The following ADGRG4 variants were observed in gnomAD, a reference collection of about 807,000 sequenced individuals.
The protein encoded by ADGRG4 is adhesion G protein-coupled receptor G4, also known as G protein-coupled receptor 112.
A neutral mutation model predicts 126.2 loss-of-function variants in ADGRG4; 122 were observed. The ratio of observed to expected loss-of-function variants is 0.97; its 90% CI spans 0.83 to 1.12. ADGRG4 has a LOEUF of 1.12. ADGRG4 is among the 50% of genes most tolerant of loss of function. The pLI is 0.00. For missense variants in ADGRG4, 2,481 were observed against 2,251.8 expected, an observed-to-expected ratio of 1.10 and a Z score of -2.06; for synonymous variants, 943 against 838.7, an observed-to-expected ratio of 1.12 and a Z score of -2.15.
intron 4 of ADGRG4, among the ~76,000 whole-genome samples, chrX:136,312,549 C>T (rs1306785466): frequency 1.8e-5 from 2 of 111,604 alleles, no homozygotes; most frequent in African/African-American, 6.5e-5. Context: ...TAGCTTGAAC[C>T]CAGGAAGTGG....
In ADGRG4 at chrX:136,346,035, A is replaced by T. The variant is rs752120902; in HGVS notation, c.2329A>T (p.Thr777Ser). 14 of 1,201,260 alleles carry T rather than the reference A, an allele frequency of 1.2e-5. No individual in the cohort carries two copies. The African/African-American group carries it at 2.3e-4, about 20-fold the overall frequency. Residue 777 changes from threonine to serine, a missense_variant, in exon 6 of 26, where the codon ACA (threonine) becomes TCA (serine). Physicochemically the swap from Thr to Ser is moderately conservative, Grantham distance 58 (BLOSUM62 1). Transcript: ENST00000394143. ...AAAACCTGCAAATGAACTTCCTTTG[A>T]CACCAAGGGAGACTGTTGTTCCATC... ...STKPANELPL[T>S]PRETVVPSVD...
intron 15 of ADGRG4, among the ~76,000 whole-genome samples, chrX:136,380,634 TTCTTCTTCTTCTTCTTCC>T (rs1305028626): frequency 9.4e-5 from 8 of 85,210 alleles, no homozygotes; most frequent in African/African-American, 3.6e-4. Context: ...CTTCTTCTTC[TTCTTCTTCTTCTTCTTCC>T]TCCTCCTCCT....
Position 136,344,809 on chromosome X carries a change from C to CCACA in ADGRG4, c.1103_1104insCACA (p.Pro370TyrfsTer4), listed in dbSNP as rs1569321953. 2.5e-6 allele frequency: 3 copies of CCACA among 1,205,503 alleles called. No individual in the cohort carries two copies. The South Asian group carries it at 5.3e-5, about 21-fold the overall frequency. ...ATGGCTACTGAAATCTTTCAACCAC[C>CCACA]TACACCTTCTAATTTCCTATCCACA... On this transcript the variant is annotated frameshift_variant, in exon 6 of 26. Transcript: ENST00000394143. LOFTEE classifies it high-confidence loss of function.
chrX:136,412,157 G>A, intron 23 of ADGRG4, 108 bp from the exon 24 acceptor site: 1 of 529,050 alleles, frequency 1.9e-6, no homozygotes, highest in Non-Finnish European at 3.3e-6. Context: ...ATGGCCCTGG[G>A]GTTCCTTGAA....
In ADGRG4 at chrX:136,323,213, G is replaced by A. The variant is rs780690525; in HGVS notation, c.506G>A (p.Ser169Asn). Residue 169 changes from serine to asparagine, a missense_variant, in exon 5 of 26, where the codon AGC (serine) becomes AAC (asparagine). Transcript: ENST00000394143. Reference sequence around the variant, plus strand: ...GGGCACTTTCTCAAGAATGAGAGCAGCGAGGTTAAAAGCATGATGCGTAGC... The same window carrying A: ...GGGCACTTTCTCAAGAATGAGAGCAACGAGGTTAAAAGCATGATGCGTAGC... ...FLGHFLKNESSEVKSMMRSFP... is the reference protein window; with the variant it reads ...FLGHFLKNESNEVKSMMRSFP... The A allele has an allele frequency of 1.9e-5, 23 of 1,209,769 alleles. No individual in the cohort carries two copies. Among genetic ancestry groups the A allele is most frequent in the Non-Finnish European group, 2.5e-5 (22 of 895,127 alleles).
At chrX:136,392,759 C>G (rs1402194306) in intron 17 of ADGRG4, among the ~76,000 whole-genome samples, 1 of 111,951 alleles carries the variant, frequency 8.9e-6, no homozygotes, top group Non-Finnish European at 1.9e-5. Flanking sequence ...AGTCATATGG[C>G]ATAACATAAG....
intron 5 of ADGRG4, among the ~76,000 whole-genome samples, chrX:136,337,756 A>G (rs2074955942): frequency 8.9e-6 from 1 of 112,408 alleles, no homozygotes; most frequent in Non-Finnish European, 1.9e-5. Flanking sequence ...CAAAAGTTCA[A>G]TTATGATGTG....
chrX:136,414,255 A>G lies in ADGRG4; in HGVS notation c.9133A>G (p.Thr3045Ala). The change falls in exon 25 of 26, where the codon ACT (threonine) becomes GCT (alanine). Residue 3045 changes from threonine (T) to alanine (A), a missense_variant. Thr to Ala is a moderately conservative substitution (Grantham distance 58). Coordinates refer to ENST00000394143, the MANE Select transcript of ADGRG4 (RefSeq NM_153834.4). ...ACTGTTGACGCCATCTCTCAAGTCA[A>G]CTGCAACTAGCTCCACTTTCAAATC... is the stretch of plus-strand genomic sequence containing the variant. The part of the protein sequence containing the change: ...HKLLTPSLKS[T>A]ATSSTFKSLG... 1 of 1,207,796 alleles carries G rather than the reference A, an allele frequency of 8.3e-7. No individual in the cohort carries two copies. Among genetic ancestry groups the G allele is most frequent in the South Asian group, 1.8e-5 (1 of 56,552 alleles).
intron 4 of ADGRG4, among the ~76,000 whole-genome samples, chrX:136,317,715 A>G (rs895299691): frequency 9.0e-6 from 1 of 111,481 alleles, no homozygotes. Context: ...ATCCAGAATT[A>G]AAAATGGGCA....
Position 136,361,443 on chromosome X carries a change from T to C in ADGRG4, c.7145-12T>C. The C allele has an allele frequency of 8.9e-7, 1 of 1,125,964 alleles. No individual in the cohort carries two copies. The highest frequency in any genetic ancestry group is 1.8e-5 in the African/African-American group (1 of 55,834). The allele number at this position is 1,125,964 out of a possible 1,213,427, so 92.8% of individuals were successfully genotyped here. A position where few individuals can be genotyped will look rare whatever the true frequency, so the allele number is the denominator to read the frequency against. On this transcript the variant is annotated splice_polypyrimidine_tract_variant and intron_variant, in intron 11 of 25. Transcript: ENST00000394143. Reference sequence around the variant, plus strand: ...TCTTGTCCTTTAAAATGTGCATACATTTTCTCTGTAGAGCCTGGAAATTGC... The same window carrying C: ...TCTTGTCCTTTAAAATGTGCATACACTTTCTCTGTAGAGCCTGGAAATTGC...
rs4829829 is a variant in ADGRG4 at position 136,344,534 on chromosome X, A to G, written c.828A>G (p.Ile276Met). 0.46 allele frequency: 559,335 copies of G among 1,204,829 alleles called. 88,314 individuals carry two copies. Among genetic ancestry groups the G allele is most frequent in the Middle Eastern group, 0.54 (2,346 of 4,339 alleles). The change falls in exon 6 of 26, where the codon ATA (isoleucine) becomes ATG (methionine). Residue 276 changes from isoleucine (I) to methionine (M), a missense_variant. Ile to Met is a conservative substitution (Grantham distance 10, BLOSUM62 1). Coordinates refer to ENST00000394143, the MANE Select transcript of ADGRG4 (RefSeq NM_153834.4). ...CACTATTGTCTCAAAGCATACCTAT[A>G]TTTGCAACTGATTACACAACCATAT... The part of the protein sequence containing the change: ...SSTLLSQSIP[I>M]FATDYTTISY...
At chrX:136,405,102 T>C (rs2075397922) in intron 22 of ADGRG4, among the ~76,000 whole-genome samples, 1 of 112,271 alleles carries the variant, frequency 8.9e-6, no homozygotes, top group Non-Finnish European at 1.9e-5. Flanking sequence ...GTAACCAGTG[T>C]TGCCTTTGTC....
At chrX:136,311,087 G>A (rs1167332052) in intron 4 of ADGRG4, among the ~76,000 whole-genome samples, 1 of 110,546 alleles carries the variant, frequency 9.0e-6, no homozygotes, top group Non-Finnish European at 1.9e-5. Context: ...TCCTCGCAAG[G>A]CTGAGAGAGA....
chrX:136,367,882 C>G (rs1478200705), intron 13 of ADGRG4, among the ~76,000 whole-genome samples: 2 of 112,310 alleles, frequency 1.8e-5, no homozygotes, highest in African/African-American at 6.5e-5. Context: ...AGAAAAGGTA[C>G]TTTTATTTCA....
rs1196695854 is a variant in ADGRG4 at position 136,347,620 on chromosome X, C to T, written c.3914C>T (p.Thr1305Ile). Residue 1305 changes from threonine (T) to isoleucine (I), a missense_variant, in exon 6 of 26, where the codon ACA (threonine) becomes ATA (isoleucine). Coordinates refer to ENST00000394143, the MANE Select transcript of ADGRG4 (RefSeq NM_153834.4). Reference protein sequence around the residue: ...EMTDTGFPETTKISSHQTHSP... With the variant: ...EMTDTGFPETIKISSHQTHSP... ...ACAGATACAGGATTTCCTGAGACCA[C>T]AAAAATTTCCAGTCACCAAACACAT... The T allele has an allele frequency of 2.5e-6, 3 of 1,207,328 alleles. No individual in the cohort carries two copies. The highest frequency in any genetic ancestry group is 3.5e-5 in the African/African-American group (2 of 57,156).
At chrX:136,308,969 T>C (rs1455243732) in intron 4 of ADGRG4, 122 bp downstream of exon 4, 28 of 456,320 alleles carry the variant, frequency 6.1e-5, no homozygotes, top group Non-Finnish European at 1.0e-4. Context: ...GGTCACCTTT[T>C]GGTCAATATG....
At chrX:136,397,491 CTTTTTTTTTTTT>C (rs1184936316) in intron 19 of ADGRG4, among the ~76,000 whole-genome samples, 1 of 50,568 alleles carries the variant, frequency 2.0e-5, no homozygotes, top group Non-Finnish European at 3.6e-5. Flanking sequence ...AGGAAAAGGA[CTTTTTTTTTTTT>C]TTTTTTTTTT....
At chrX:136,390,894 A>C (rs1203799465) in intron 16 of ADGRG4, among the ~76,000 whole-genome samples, 1 of 110,747 alleles carries the variant, frequency 9.0e-6, no homozygotes, top group African/African-American at 3.3e-5. Flanking sequence ...TAGTGTCACC[A>C]ATAGACCAGG....
Position 136,344,384 on chromosome X carries a change from T to G in ADGRG4, c.686-8T>G. 1 of 1,120,078 alleles carries G rather than the reference T, an allele frequency of 8.9e-7. No individual in the cohort carries two copies. The highest frequency in any genetic ancestry group is 1.2e-6 in the Non-Finnish European group (1 of 839,813). 92.3% of individuals were successfully genotyped at this position (1,120,078 alleles called of 1,213,427 possible). On this transcript the variant is annotated splice_polypyrimidine_tract_variant and splice_region_variant and intron_variant, in intron 5 of 25. Coordinates refer to ENST00000394143, the MANE Select transcript of ADGRG4 (RefSeq NM_153834.4). ...TCCAAAATAACACATTCTTTCTGAT[T>G]TTTTTAGTTGTTCCTGAAAATATGA...
Sources: allele counts gnomAD v4.1 joint callset (sites outside exome capture counted in the v4.1 genomes callset), GRCh38; gene constraint gnomAD v4.1.1; transcripts MANE v1.5; gene names NCBI Gene and HGNC (gene_info 2026-07-23, HGNC 2026-07-21).